STARD7: variants seen among roughly 807,000 people sequenced by gnomAD.
STARD7 encodes the protein StAR related lipid transfer domain containing 7, also known as stAR-related lipid transfer protein 7, mitochondrial.
Under a neutral mutation model 45.3 loss-of-function variants are expected in STARD7, and 30 were observed. The ratio of observed to expected loss-of-function variants is 0.66; its 90% CI spans 0.50 to 0.90. The LOEUF (loss-of-function observed/expected upper bound fraction) is 0.90, where lower values mean the gene tolerates loss of function less well. Among genes scored for constraint, STARD7 ranks in the 40% least tolerant of loss-of-function variants. The pLI, the probability that STARD7 is intolerant of heterozygous loss-of-function variation, is 0.00. For missense variants in STARD7, 495 were observed against 491.3 expected, an observed-to-expected ratio of 1.01 and a Z score of -0.07; for synonymous variants, 199 against 183.0, an observed-to-expected ratio of 1.09 and a Z score of -0.70.
intron 1 of STARD7, among the ~76,000 whole-genome samples, chr2:96,196,105 T>G (rs1244138314): frequency 7.1e-6 from 1 of 141,812 alleles, no homozygotes; most frequent in Non-Finnish European, 1.5e-5. Flanking sequence ...AGAGTGAGAC[T>G]CTTGTCTCAA....
chr2:96,187,043 T>C, intron 7 of STARD7, 129 bp from the exon 8 acceptor site: 1 of 966,870 alleles, frequency 1.0e-6, no homozygotes, highest in Non-Finnish European at 1.5e-6. Flanking sequence ...GACTAGCCTG[T>C]GAATAAGAGC....
Position 96,186,764 on chromosome 2 carries a change from C to A in STARD7, c.1079G>T (p.Gly360Val). 6.2e-7 allele frequency: 1 copy of A among 1,613,418 alleles called. No individual in the cohort carries two copies. The highest frequency in any genetic ancestry group is 8.5e-7 in the Non-Finnish European group (1 of 1,179,684). Reference sequence around the variant, plus strand: ...CTCAATCCGAGCAGGGCCACAGCTGCCCTCGTTCTTTCGCTCAGAGGACTG... The same window carrying A: ...CTCAATCCGAGCAGGGCCACAGCTGACCTCGTTCTTTCGCTCAGAGGACTG... ...TSQSSERKNEGSCGPARIEYA is the reference protein window; with the variant it reads ...TSQSSERKNEVSCGPARIEYA Residue 360 changes from glycine to valine, a missense_variant, in exon 8 of 8, where the codon GGC (glycine) becomes GTC (valine). Around this residue, in one of 2 missense-constraint regions of STARD7, gnomAD observed 213 missense variants for 271.2 expected, o/e 0.79. Coordinates refer to ENST00000337288, the MANE Select transcript of STARD7 (RefSeq NM_020151.4).
Position 96,208,179 on chromosome 2 carries a change from C to A in STARD7, c.256G>T (p.Asp86Tyr). ...MAALAGVFVW[D>Y]EERIQEEELQ... ...TCCTCCTCCTGGATCCTCTCCTCGT[C>A]CCAAACGAAGACGCCGGCTAACGCC... Residue 86 changes from aspartate to tyrosine, a missense_variant, in exon 1 of 8, where the codon GAC (aspartate) becomes TAC (tyrosine). By Grantham distance (160) the Asp-to-Tyr change is radical (BLOSUM62 -3). Coordinates refer to ENST00000337288, the MANE Select transcript of STARD7 (RefSeq NM_020151.4). 1 of 1,603,584 alleles carries A rather than the reference C, an allele frequency of 6.2e-7. No homozygotes were observed. The highest frequency in any genetic ancestry group is 1.1e-5 in the South Asian group (1 of 89,498).
At chr2:96,205,588 A>C (rs1683375998) in intron 1 of STARD7, among the ~76,000 whole-genome samples, 2 of 152,248 alleles carry the variant, frequency 1.3e-5, no homozygotes, top group African/African-American at 2.4e-5. Context: ...GAAGCTACCC[A>C]AAAATCATCT....
chr2:96,195,092 A>G (rs556120858), intron 2 of STARD7, 85 bp from the exon 3 acceptor site: 5 of 1,225,682 alleles, frequency 4.1e-6, no homozygotes, highest in Non-Finnish European at 5.8e-6. Context: ...TTTCAGATCT[A>G]AAGTACTAAG....
rs183533151 is a variant in STARD7 at position 96,197,070 on chromosome 2, A to G, written c.291-1521T>C. ...AACAAGAGCGAAACTCCGTCTCAAA[A>G]TAAAATAAAATAAAATAAAATAAAA... is the stretch of plus-strand genomic sequence containing the variant. On this transcript the variant is annotated intron_variant, in intron 1 of 7. Transcript: ENST00000337288. Among the ~76,000 whole-genome samples, 54 of 96,406 alleles carry G rather than the reference A, an allele frequency of 5.6e-4. 1 individual carries two copies. The highest frequency in any genetic ancestry group is 5.4e-4 in the Non-Finnish European group (27 of 50,108). The allele number at this position is 96,406 out of a possible 152,430, so 63.2% of individuals were successfully genotyped here. A position where few individuals can be genotyped will look rare whatever the true frequency, so the allele number is the denominator to read the frequency against.
At chr2:96,191,268 G>C (rs1683121514) in intron 6 of STARD7, among the ~76,000 whole-genome samples, 1 of 152,214 alleles carries the variant, frequency 6.6e-6, no homozygotes. Flanking sequence ...ATAATCAGGG[G>C]AGTGAGAAAG....
intron 6 of STARD7, among the ~76,000 whole-genome samples, chr2:96,191,851 ACT>A (rs1374827921): frequency 6.6e-6 from 1 of 152,062 alleles, no homozygotes; most frequent in East Asian, 1.9e-4. Context: ...CAATATCTAT[ACT>A]CTCAGTGGAG....
intron 1 of STARD7, among the ~76,000 whole-genome samples, chr2:96,206,698 G>C (rs908794034): frequency 4.0e-4 from 60 of 151,676 alleles, no homozygotes; most frequent in African/African-American, 1.4e-3. Flanking sequence ...CTACTCGGGA[G>C]GCTGAGGCAG....
In STARD7 at chr2:96,192,387, G is replaced by C. The variant is rs1683138656; in HGVS notation, c.825C>G (p.Pro275=). ...RSYESQMVIR[P]HKSFDENGFD... is the part of the protein sequence containing the mutation. ...AACTCACCTCATCAAATGACTTGTG[G>C]GGACGGATAACCATTTGGGATTCAT... Residue 275 remains proline (P), a synonymous_variant, in exon 6 of 8, where the codon CCC becomes CCG. Coordinates refer to ENST00000337288, the MANE Select transcript of STARD7 (RefSeq NM_020151.4). The C allele has an allele frequency of 1.2e-6, 2 of 1,613,370 alleles. No individual in the cohort carries two copies. Among genetic ancestry groups the C allele is most frequent in the Non-Finnish European group, 1.7e-6 (2 of 1,179,496 alleles).
At chr2:96,206,399 T>C (rs1683389728) in intron 1 of STARD7, among the ~76,000 whole-genome samples, 1 of 152,198 alleles carries the variant, frequency 6.6e-6, no homozygotes, top group Non-Finnish European at 1.5e-5. Context: ...TTTCTCCTCT[T>C]ACCCCAACAA....
rs988324879 is a variant in STARD7 at position 96,208,355 on chromosome 2, C to A, written c.80G>T (p.Cys27Phe). 1 of 1,581,712 alleles carries A rather than the reference C, an allele frequency of 6.3e-7. No homozygotes were observed. The highest frequency in any genetic ancestry group is 2.4e-5 in the East Asian group (1 of 42,432). The change falls in exon 1 of 8, where the codon TGC (cysteine) becomes TTC (phenylalanine). Residue 27 changes from cysteine (C) to phenylalanine (F), a missense_variant. Cys to Phe is a radical substitution (Grantham distance 205, BLOSUM62 -2). Transcript: ENST00000337288. ...CACGCGCAGGCCCGTGACGAAGCGG[C>A]ACTGATTGGCCAGAAGCGCCAGCAG... ...GGLLALLANQ[C>F]RFVTGLRVRR...
chr2:96,192,375 A>G lies in STARD7; in HGVS notation c.837T>C (p.Phe279=). 6.2e-7 allele frequency: 1 copy of G among 1,612,780 alleles called. No individual in the cohort carries two copies. Among genetic ancestry groups the G allele is most frequent in the Non-Finnish European group, 8.5e-7 (1 of 1,178,776 alleles). Residue 279 remains phenylalanine (F), a synonymous_variant, in exon 6 of 8, where the codon TTT becomes TTC. Coordinates refer to ENST00000337288, the MANE Select transcript of STARD7 (RefSeq NM_020151.4). ...TGGATGAGGTAAAACTCACCTCATC[A>G]AATGACTTGTGGGGACGGATAACCA... is the stretch of plus-strand genomic sequence containing the variant. ...SQMVIRPHKS[F]DENGFDYLLT...
intron 1 of STARD7, 29 bp downstream of exon 1, chr2:96,208,116 G>A: frequency 6.6e-7 from 1 of 1,515,004 alleles, no homozygotes; most frequent in South Asian, 1.3e-5. Context: ...CCACCCCACG[G>A]CCCAGAAAGA....
At chr2:96,201,258 C>T (rs1573945870) in intron 1 of STARD7, among the ~76,000 whole-genome samples, 1 of 151,864 alleles carries the variant, frequency 6.6e-6, no homozygotes, top group East Asian at 1.9e-4. Context: ...AAATAGGCCT[C>T]AGTAATCCAA....
chr2:96,187,607 T>C (rs1341029448), intron 6 of STARD7: 1 of 218,852 alleles, frequency 4.6e-6, no homozygotes, highest in South Asian at 7.8e-5. Context: ...TTTGCAGGGT[T>C]TGGAATTCTG....
At chr2:96,187,135 C>A in intron 7 of STARD7, 82 bp downstream of exon 7, 2 of 1,097,894 alleles carry the variant, frequency 1.8e-6, no homozygotes, top group South Asian at 1.4e-5. Context: ...CCAGAAGAGA[C>A]GTTTTATTTC....
At chr2:96,187,548 G>A in intron 6 of STARD7, 1 of 399,230 alleles carries the variant, frequency 2.5e-6, no homozygotes, top group Admixed American at 4.0e-5. Context: ...GTGGCTCCCT[G>A]TGCATAGACT....
chr2:96,204,702 A>G (rs927376461), intron 1 of STARD7, among the ~76,000 whole-genome samples: 2 of 146,076 alleles, frequency 1.4e-5, no homozygotes, highest in African/African-American at 5.1e-5. Flanking sequence ...AAGATCTAAC[A>G]AGGGGTTTAA....
Sources: allele counts gnomAD v4.1 joint callset (sites outside exome capture counted in the v4.1 genomes callset), GRCh38; gene constraint gnomAD v4.1.1; regional missense constraint gnomAD v4.1.1; transcripts MANE v1.5; gene names NCBI Gene and HGNC (gene_info 2026-07-23, HGNC 2026-07-21).